LMX1B: variants seen among roughly 807,000 people sequenced by gnomAD.
LMX1B encodes LIM homeobox transcription factor 1-beta.
In LMX1B, 12 loss-of-function variants were observed where a neutral mutation model predicts 51.4. That is an observed-to-expected ratio of 0.23 (90% CI 0.15 to 0.38). The LOEUF is 0.38. LMX1B is among the 10% of genes least tolerant of loss of function. The pLI is 1.00. For missense variants in LMX1B, 445 were observed against 571.1 expected (o/e 0.78, Z 2.25); for synonymous variants, 237 against 235.4 (o/e 1.01, Z -0.06).
At position 126,700,530 on chromosome 9, in the gene LMX1B, C is replaced by CT. The variant is rs1405779761; in HGVS notation, c.*4080dup. On this transcript the variant is annotated 3_prime_UTR_variant, in exon 8 of 8. Coordinates refer to ENST00000373474, the MANE Select transcript of LMX1B (RefSeq NM_001174147.2). The stretch of plus-strand genomic sequence containing the variant: ...CTAGGGTGAGGGAGAGCCTGCAGCT[C>CT]TGGGGCTAAGTCTGCCCTGGGGGGA... 1.3e-5 allele frequency: 2 copies of CT among 152,418 alleles called. No homozygotes were observed. The highest frequency in any genetic ancestry group is 2.9e-5 in the Non-Finnish European group (2 of 68,198). The allele number at this position is 152,418 out of a possible 1,614,324, so 9.4% of individuals were successfully genotyped here.
In LMX1B at chr9:126,618,149, C is replaced by G. The variant is rs1835338484; in HGVS notation, c.326+2580C>G. Reference sequence around the variant, plus strand: ...CAAGCAAGCGGGCGCAGAAACGTGCCTTCTTGATATTGTCGAGTCTGTGCG... The same window carrying G: ...CAAGCAAGCGGGCGCAGAAACGTGCGTTCTTGATATTGTCGAGTCTGTGCG... On this transcript the variant is annotated intron_variant, in intron 2 of 7. Coordinates refer to ENST00000373474, the MANE Select transcript of LMX1B (RefSeq NM_001174147.2). The surrounding 1 kb of genome is among the most constrained non-coding windows in gnomAD (Gnocchi z 4.5). Among the ~76,000 whole-genome samples the G allele has an allele frequency of 6.6e-6, 1 of 152,102 alleles. No individual in the cohort carries two copies. Among genetic ancestry groups the G allele is most frequent in the Non-Finnish European group, 1.5e-5 (1 of 68,000 alleles).
At chr9:126,681,390 A>G (rs946042450) in intron 2 of LMX1B, among the ~76,000 whole-genome samples, 1 of 151,776 alleles carries the variant, frequency 6.6e-6, no homozygotes, top group Non-Finnish European at 1.5e-5. Context: ...TCTAGTGGCA[A>G]CTCCATCATT....
chr9:126,617,101 C>G (rs910714130), intron 2 of LMX1B, among the ~76,000 whole-genome samples: 3 of 152,198 alleles, frequency 2.0e-5, no homozygotes, highest in Non-Finnish European at 4.4e-5. Context: ...GACGCCAGTC[C>G]GTTCAGTCAC....
At chr9:126,660,044 T>G (rs1836204608) in intron 2 of LMX1B, among the ~76,000 whole-genome samples, 1 of 121,690 alleles carries the variant, frequency 8.2e-6, no homozygotes, top group Admixed American at 7.8e-5. Context: ...TACACTGGCT[T>G]CAGAGGTTGT....
chr9:126,657,326 T>C (rs1232716167), intron 2 of LMX1B, among the ~76,000 whole-genome samples: 1 of 152,242 alleles, frequency 6.6e-6, no homozygotes, highest in Non-Finnish European at 1.5e-5. Flanking sequence ...TGCTGGCAAG[T>C]ATCTTTCTTG....
chr9:126,631,174 C>T (rs992478993), intron 2 of LMX1B, among the ~76,000 whole-genome samples: 2 of 152,266 alleles, frequency 1.3e-5, no homozygotes. Context: ...TGGGCTGTCC[C>T]ACGTGGCAAG....
intron 2 of LMX1B, among the ~76,000 whole-genome samples, chr9:126,640,300 G>T (rs1835785642): frequency 1.3e-5 from 2 of 152,120 alleles, no homozygotes; most frequent in Non-Finnish European, 2.9e-5. Flanking sequence ...GCAGCCCTGT[G>T]CCTCAGGTAT....
intron 2 of LMX1B, among the ~76,000 whole-genome samples, chr9:126,656,285 C>G (rs1836113834): frequency 6.6e-6 from 1 of 152,168 alleles, no homozygotes; most frequent in African/African-American, 2.4e-5. Context: ...TGCAGTAGCT[C>G]ACACCTGTAA....
At chr9:126,655,170 C>G (rs1013059174) in intron 2 of LMX1B, among the ~76,000 whole-genome samples, 1 of 152,236 alleles carries the variant, frequency 6.6e-6, no homozygotes, top group Non-Finnish European at 1.5e-5. Flanking sequence ...TTTGGAGGTG[C>G]CCAAAGATGC....
At chr9:126,639,609 CCT>C (rs1588273836) in intron 2 of LMX1B, among the ~76,000 whole-genome samples, 1 of 152,218 alleles carries the variant, frequency 6.6e-6, no homozygotes, top group East Asian at 1.9e-4. Flanking sequence ...GCGGAGCCCC[CCT>C]GTTATTGCCG....
rs1175894898 is a variant in LMX1B at position 126,699,809 on chromosome 9, T to A, written c.*3358T>A. On this transcript the variant is annotated 3_prime_UTR_variant, in exon 8 of 8. Coordinates refer to ENST00000373474, the MANE Select transcript of LMX1B (RefSeq NM_001174147.2). ...AGAAGCCTGTGGGGCTGGGCAACCT[T>A]CTCCCACTTTATGGGAGGAGCTGCA... The A allele has an allele frequency of 6.6e-6, 1 of 152,176 alleles. No individual in the cohort carries two copies. Among genetic ancestry groups the A allele is most frequent in the African/African-American group, 2.4e-5 (1 of 41,404 alleles). 9.4% of individuals were successfully genotyped at this position (152,176 alleles called of 1,614,324 possible).
intron 2 of LMX1B, among the ~76,000 whole-genome samples, chr9:126,657,258 G>C (rs1020405340): frequency 6.6e-6 from 1 of 152,214 alleles, no homozygotes; most frequent in Non-Finnish European, 1.5e-5. Flanking sequence ...ACATAAGACT[G>C]TCTGATGGTG....
chr9:126,636,739 C>T (rs568122720), intron 2 of LMX1B, among the ~76,000 whole-genome samples: 2 of 152,174 alleles, frequency 1.3e-5, no homozygotes, highest in African/African-American at 2.4e-5. Flanking sequence ...AATGAGAGCC[C>T]CACCTTGTCC....
intron 2 of LMX1B, among the ~76,000 whole-genome samples, chr9:126,664,418 G>A (rs903089449): frequency 6.6e-6 from 1 of 152,214 alleles, no homozygotes; most frequent in Non-Finnish European, 1.5e-5. Context: ...TGGGGGGGAG[G>A]CAGTTATACC....
At chr9:126,676,442 T>TG (rs1311664616) in intron 2 of LMX1B, among the ~76,000 whole-genome samples, 1 of 152,120 alleles carries the variant, frequency 6.6e-6, no homozygotes, top group East Asian at 1.9e-4. Context: ...CATCAGTATT[T>TG]GGGGGAATGG....
chr9:126,678,100 T>C (rs1836600123), intron 2 of LMX1B, among the ~76,000 whole-genome samples: 1 of 151,962 alleles, frequency 6.6e-6, no homozygotes, highest in Non-Finnish European at 1.5e-5. Context: ...CACTTGAGGT[T>C]GGGAGTTTGA....
chr9:126,681,698 C>T (rs961772045), intron 2 of LMX1B, among the ~76,000 whole-genome samples: 1 of 151,950 alleles, frequency 6.6e-6, no homozygotes, highest in Non-Finnish European at 1.5e-5. Flanking sequence ...GTTAGGAGTT[C>T]GTGACCAGCC....
At chr9:126,686,807 T>C (rs966914648) in intron 2 of LMX1B, among the ~76,000 whole-genome samples, 40 of 152,218 alleles carry the variant, frequency 2.6e-4, no homozygotes, top group Admixed American at 2.4e-3. Flanking sequence ...ATCTGTAAAA[T>C]GGGAATGGAA....
Position 126,624,597 on chromosome 9 carries a change from G to A in LMX1B, c.326+9028G>A, listed in dbSNP as rs1835483253. Among the ~76,000 whole-genome samples the A allele has an allele frequency of 2.6e-5, 4 of 152,246 alleles. No homozygotes were observed. The South Asian group carries it at 8.3e-4, about 32-fold the overall frequency. On this transcript the variant is annotated intron_variant, in intron 2 of 7. Coordinates refer to ENST00000373474, the MANE Select transcript of LMX1B (RefSeq NM_001174147.2). Reference sequence around the variant, plus strand: ...CCGAGTTCCCGGCGCGGATGCTAGGGCCGACCCCAGCCCCCTCCCTCCTGC... The same window carrying A: ...CCGAGTTCCCGGCGCGGATGCTAGGACCGACCCCAGCCCCCTCCCTCCTGC...
Sources: gnomAD v4.1 joint callset for allele counts (sites outside exome capture counted in the v4.1 genomes callset) on GRCh38, gnomAD v4.1.1 for gene constraint, Gnocchi (gnomAD v3.1) non-coding constraint, MANE v1.5 for transcripts, NCBI Gene and HGNC (gene_info 2026-07-23, HGNC 2026-07-21) for gene names.